RGS6: variants seen among roughly 807,000 people sequenced by gnomAD.
The protein encoded by RGS6 is regulator of G-protein signaling 6.
A neutral mutation model predicts 78.5 loss-of-function variants in RGS6; 30 were observed. That is an observed-to-expected ratio of 0.38 (90% CI 0.29 to 0.52). RGS6 has a LOEUF of 0.52. Among genes scored for constraint, RGS6 ranks in the 20% least tolerant of loss-of-function variants. RGS6 has a pLI of 0.85. For synonymous variants in RGS6, 206 were observed against 206.0 expected (o/e 1.00, Z 0.00); for missense variants, 495 against 609.7 (o/e 0.81, Z 1.98).
chr14:72,029,508 C>T (rs1258875028), intron 2 of RGS6, among the ~76,000 whole-genome samples: 1 of 152,180 alleles, frequency 6.6e-6, no homozygotes, highest in African/African-American at 2.4e-5. Flanking sequence ...TAAGTTATAT[C>T]TTCACAGAGA....
chr14:72,390,331 C>A (rs2089625088), intron 3 of RGS6, among the ~76,000 whole-genome samples: 1 of 151,970 alleles, frequency 6.6e-6, no homozygotes, highest in Non-Finnish European at 1.5e-5. Flanking sequence ...CTCCTGACCT[C>A]AGGTGATCTG....
chr14:72,000,447 A>G (rs2083214780), intron 2 of RGS6, among the ~76,000 whole-genome samples: 1 of 152,198 alleles, frequency 6.6e-6, no homozygotes, highest in South Asian at 2.1e-4. Flanking sequence ...AAACGGAAAT[A>G]TGGAGTAGGC....
intron 2 of RGS6, among the ~76,000 whole-genome samples, chr14:71,987,184 A>G (rs553078902): frequency 1.3e-5 from 2 of 152,312 alleles, no homozygotes; most frequent in East Asian, 3.9e-4. Flanking sequence ...TTTCATAGCT[A>G]GGGAGGAGGT....
chr14:72,057,857 T>C (rs1252688959), intron 2 of RGS6, among the ~76,000 whole-genome samples: 1 of 152,194 alleles, frequency 6.6e-6, no homozygotes, highest in Admixed American at 6.5e-5. Flanking sequence ...CTGTCGAGTT[T>C]CCATCTGGCT....
chr14:71,956,570 A>G (rs2092810031), intron 1 of RGS6, among the ~76,000 whole-genome samples: 1 of 152,068 alleles, frequency 6.6e-6, no homozygotes, highest in Admixed American at 6.6e-5. Flanking sequence ...CAAGGGAGAA[A>G]GATGTAGGCT....
At chr14:71,969,450 G>C (rs1439124388) in intron 2 of RGS6, among the ~76,000 whole-genome samples, 1 of 152,176 alleles carries the variant, frequency 6.6e-6, no homozygotes, top group Non-Finnish European at 1.5e-5. Flanking sequence ...AGGCATGGAA[G>C]ACATCACACT....
At position 72,047,892 on chromosome 14, in the gene RGS6, A is replaced by ATTTTTTTTTTT. The variant is rs1470612017; in HGVS notation, c.84+83022_84+83023insTTTTTTTTTTT. Among the ~76,000 whole-genome samples the ATTTTTTTTTTT allele has an allele frequency of 2.4e-5, 2 of 83,446 alleles. 1 individual carries two copies. The highest frequency in any genetic ancestry group is 4.5e-5 in the Non-Finnish European group (2 of 44,786). The allele number at this position is 83,446 out of a possible 152,430, so 54.7% of individuals were successfully genotyped here. A position where few individuals can be genotyped will look rare whatever the true frequency, so the allele number is the denominator to read the frequency against. ...AGGCATGTGCCACTATGCCCAGCTA[A>ATTTTTTTTTTT]TTTTTGTTTTTTTTTTTTTTTTTTT... On this transcript the variant is annotated intron_variant, in intron 2 of 17. Transcript: ENST00000553525.
At chr14:72,120,590 C>T (rs369097539) in intron 2 of RGS6, among the ~76,000 whole-genome samples, 6 of 152,140 alleles carry the variant, frequency 3.9e-5, no homozygotes, top group Non-Finnish European at 5.9e-5. Flanking sequence ...AACAGGAGAA[C>T]GGATAAACTG....
intron 3 of RGS6, among the ~76,000 whole-genome samples, chr14:72,422,521 C>G (rs144606960): frequency 7.2e-5 from 11 of 152,250 alleles, no homozygotes; most frequent in African/African-American, 2.6e-4. Context: ...AGAAAGAAGT[C>G]TCGCTTTTTT....
At chr14:72,200,092 T>C (rs2041142420) in intron 2 of RGS6, among the ~76,000 whole-genome samples, 1 of 152,226 alleles carries the variant, frequency 6.6e-6, no homozygotes, top group Admixed American at 6.5e-5. Context: ...ACCTAATTAA[T>C]CTGTCCTATT....
In RGS6 at chr14:72,322,257, C is replaced by G. The variant is rs148883869; in HGVS notation, c.85-29838C>G. 2.7e-4 allele frequency among the ~76,000 whole-genome samples: 41 copies of G among 151,996 alleles called. No individual in the cohort carries two copies. The East Asian group carries it at 6.0e-3, about 22-fold the overall frequency. On this transcript the variant is annotated intron_variant, in intron 2 of 17. Coordinates refer to ENST00000553525, the MANE Select transcript of RGS6 (RefSeq NM_001204424.2). ...AAAAAAGAATAAATCTTTAAGTTAG[C>G]TCTTTATGAAAAATCAATAAATCAT...
chr14:72,257,357 A>G (rs981874395), intron 2 of RGS6, among the ~76,000 whole-genome samples: 3 of 152,182 alleles, frequency 2.0e-5, no homozygotes, highest in African/African-American at 7.2e-5. Flanking sequence ...TTGTTAGTAT[A>G]TAGAAATGCA....
At chr14:72,069,448 T>A (rs1227027346) in intron 2 of RGS6, among the ~76,000 whole-genome samples, 1 of 152,258 alleles carries the variant, frequency 6.6e-6, no homozygotes, top group Non-Finnish European at 1.5e-5. Context: ...TAGCTCAGAA[T>A]GTTTTAACTC....
At chr14:72,119,474 G>A (rs560645193) in intron 2 of RGS6, among the ~76,000 whole-genome samples, 19 of 152,336 alleles carry the variant, frequency 1.2e-4, no homozygotes, top group Non-Finnish European at 2.4e-4. Context: ...GGTCAATGAT[G>A]AAGGTAAGTT....
At chr14:72,021,714 C>T (rs575838265) in intron 2 of RGS6, among the ~76,000 whole-genome samples, 4 of 152,054 alleles carry the variant, frequency 2.6e-5, no homozygotes, top group Admixed American at 1.3e-4. Context: ...TCAGGTGAGC[C>T]ACCCTCCTCG....
chr14:72,014,097 C>T (rs1490171280), intron 2 of RGS6, among the ~76,000 whole-genome samples: 5 of 152,166 alleles, frequency 3.3e-5, no homozygotes, highest in African/African-American at 4.8e-5. Flanking sequence ...TTACAACCAC[C>T]GTGTGAGCCT....
At chr14:71,902,275 G>T in the RGS6 span, among the ~76,000 whole-genome samples, 1 of 152,114 alleles carries the variant, frequency 6.6e-6, no homozygotes, top group Non-Finnish European at 1.5e-5. Flanking sequence ...AACATGAGTT[G>T]CCCCACTCAC....
chr14:72,275,951 C>G (rs570750148), intron 2 of RGS6, among the ~76,000 whole-genome samples: 1 of 152,286 alleles, frequency 6.6e-6, no homozygotes, highest in South Asian at 2.1e-4. Flanking sequence ...TCTCCAACGT[C>G]TAGACCTCTC....
intron 2 of RGS6, among the ~76,000 whole-genome samples, chr14:72,017,136 T>G (rs2087196915): frequency 6.6e-6 from 1 of 152,152 alleles, no homozygotes; most frequent in African/African-American, 2.4e-5. Context: ...TGGGCTCAAG[T>G]GACCCTTGTG....
Sources: allele counts gnomAD v4.1 joint callset (sites outside exome capture counted in the v4.1 genomes callset), GRCh38; gene constraint gnomAD v4.1.1; transcripts MANE v1.5; gene names NCBI Gene and HGNC (gene_info 2026-07-23, HGNC 2026-07-21).